The following PCDH9 variants were observed in gnomAD, a reference collection of about 807,000 sequenced individuals.
The protein encoded by PCDH9 is protocadherin-9.
Under a neutral mutation model 70.6 loss-of-function variants are expected in PCDH9, and 24 were observed. That is an observed-to-expected ratio of 0.34 (90% CI 0.25 to 0.48). The LOEUF (loss-of-function observed/expected upper bound fraction) is 0.48. Among genes scored for constraint, PCDH9 ranks in the 20% least tolerant of loss-of-function variants. The probability of loss-of-function intolerance (pLI) is 0.99; values close to 1 mark genes in which losing one functional copy is unlikely to be tolerated. For synonymous variants in PCDH9, 562 were observed against 558.5 expected, an observed-to-expected ratio of 1.01 and a Z score of -0.09; for missense variants, 1,281 against 1,503.6, an observed-to-expected ratio of 0.85 and a Z score of 2.45.
chr13:66,504,702 A>G (rs897624413), intron 4 of PCDH9, among the ~76,000 whole-genome samples: 1 of 152,232 alleles, frequency 6.6e-6, no homozygotes, highest in Non-Finnish European at 1.5e-5. Flanking sequence ...ATGAGTGCTC[A>G]GTAAATACAT....
chr13:66,432,980 G>T (rs1957800576), intron 4 of PCDH9, among the ~76,000 whole-genome samples: 1 of 151,866 alleles, frequency 6.6e-6, no homozygotes, highest in Non-Finnish European at 1.5e-5. Context: ...CTATGAGGAA[G>T]TAAATTCTAA....
chr13:66,957,748 C>A (rs951280429), intron 2 of PCDH9, among the ~76,000 whole-genome samples: 9 of 151,940 alleles, frequency 5.9e-5, no homozygotes, highest in African/African-American at 2.2e-4. Context: ...AGAAGGCAAG[C>A]TAGGAAGGCA....
In PCDH9 at chr13:66,958,296, A is replaced by G. The variant is rs137999924; in HGVS notation, c.3037-54691T>C. Among the ~76,000 whole-genome samples, 428 of 152,334 alleles carry G rather than the reference A, an allele frequency of 2.8e-3. 5 individuals are homozygous for G. The highest frequency in any genetic ancestry group is 0.024 in the Middle Eastern group (7 of 294). On this transcript the variant is annotated intron_variant, in intron 2 of 4. Transcript: ENST00000377865. ...TTCAAGGTATGAGACGGACTGGATG[A>G]AAAACACGGAATTCTATGACTAATT...
At chr13:66,871,431 A>T (rs954686657) in intron 3 of PCDH9, among the ~76,000 whole-genome samples, 4 of 47,680 alleles carry the variant, frequency 8.4e-5, no homozygotes, top group East Asian at 1.6e-3. Flanking sequence ...AAATAAAATT[A>T]AAAAAAATCA....
intron 3 of PCDH9, among the ~76,000 whole-genome samples, chr13:66,829,316 C>T (rs1210145829): frequency 2.0e-5 from 3 of 151,952 alleles, no homozygotes; most frequent in East Asian, 1.9e-4. Context: ...CGCTCCCGGC[C>T]GGGAATCTTT....
chr13:66,591,614 A>G (rs1046911027), intron 4 of PCDH9, among the ~76,000 whole-genome samples: 3 of 151,856 alleles, frequency 2.0e-5, no homozygotes, highest in East Asian at 3.9e-4. Flanking sequence ...TTAAGCTTCA[A>G]GGAAAGATGA....
At chr13:66,627,862 G>A (rs1256464485) in intron 4 of PCDH9, among the ~76,000 whole-genome samples, 3 of 152,160 alleles carry the variant, frequency 2.0e-5, no homozygotes, top group African/African-American at 7.2e-5. Context: ...TCCTGGTTTA[G>A]GACCTCTGCT....
At chr13:66,909,404 CA>C (rs1354396102) in intron 2 of PCDH9, among the ~76,000 whole-genome samples, 1 of 151,668 alleles carries the variant, frequency 6.6e-6, no homozygotes, top group Non-Finnish European at 1.5e-5. Flanking sequence ...CAATCCCTAT[CA>C]AAATGCCAGC....
chr13:67,131,639 G>T (rs556738782), intron 2 of PCDH9, among the ~76,000 whole-genome samples: 40 of 151,646 alleles, frequency 2.6e-4, no homozygotes, highest in African/African-American at 9.2e-4. Context: ...GGGGAGTGTA[G>T]CAAAAAAAAG....
At chr13:66,872,033 T>C (rs1429675743) in intron 3 of PCDH9, among the ~76,000 whole-genome samples, 1 of 119,084 alleles carries the variant, frequency 8.4e-6, no homozygotes, top group Non-Finnish European at 1.8e-5. Flanking sequence ...TATTTTAACA[T>C]GTCGTCTACT....
intron 4 of PCDH9, among the ~76,000 whole-genome samples, chr13:66,475,661 G>A (rs1958711215): frequency 6.6e-6 from 1 of 151,888 alleles, no homozygotes; most frequent in Non-Finnish European, 1.5e-5. Flanking sequence ...ACATGTATTT[G>A]ATACGAATTC....
intron 2 of PCDH9, among the ~76,000 whole-genome samples, chr13:67,069,182 T>C (rs1804777961): frequency 6.6e-6 from 1 of 152,182 alleles, no homozygotes; most frequent in Admixed American, 6.6e-5. Context: ...CTTTATCATA[T>C]TAATACTCAT....
At chr13:66,863,061 T>C (rs1812656261) in intron 3 of PCDH9, among the ~76,000 whole-genome samples, 3 of 152,172 alleles carry the variant, frequency 2.0e-5, no homozygotes, top group Admixed American at 6.5e-5. Context: ...TTCTATTTCT[T>C]TAAAAATAGT....
intron 3 of PCDH9, among the ~76,000 whole-genome samples, chr13:66,804,554 A>G (rs2080382106): frequency 6.6e-6 from 1 of 152,192 alleles, no homozygotes; most frequent in Non-Finnish European, 1.5e-5. Context: ...GGGTCAATAA[A>G]CAAACAAATT....
intron 4 of PCDH9, among the ~76,000 whole-genome samples, chr13:66,629,484 A>G (rs183758547): frequency 6.6e-6 from 1 of 152,354 alleles, no homozygotes. Flanking sequence ...AGTCTGGAGA[A>G]GGTTGATTCA....
chr13:66,933,826 A>G (rs1343485699), intron 2 of PCDH9, among the ~76,000 whole-genome samples: 3 of 151,928 alleles, frequency 2.0e-5, no homozygotes, highest in African/African-American at 7.3e-5. Context: ...AAACAGTTCA[A>G]AACATGACAT....
At chr13:67,128,579 TG>T (rs1008233211) in intron 2 of PCDH9, among the ~76,000 whole-genome samples, 43 of 152,324 alleles carry the variant, frequency 2.8e-4, no homozygotes, top group African/African-American at 1.0e-3. Context: ...TATCACTCAG[TG>T]GGGTTATTAT....
intron 4 of PCDH9, among the ~76,000 whole-genome samples, chr13:66,307,376 A>G (rs1429338603): frequency 2.0e-5 from 3 of 152,108 alleles, no homozygotes; most frequent in African/African-American, 7.2e-5. Context: ...GGATTATTAA[A>G]GATATCTCCT....
chr13:66,681,968 T>TATATATATATATATATA (rs1566502472), intron 3 of PCDH9, among the ~76,000 whole-genome samples: 28 of 148,494 alleles, frequency 1.9e-4, no homozygotes, highest in South Asian at 6.4e-4. Context: ...TATATATATA[T>TATATATATATATATATA]TTGAGAGATT....
Sources: allele counts gnomAD v4.1 joint callset (sites outside exome capture counted in the v4.1 genomes callset), GRCh38; gene constraint gnomAD v4.1.1; transcripts MANE v1.5; gene names NCBI Gene and HGNC (gene_info 2026-07-23, HGNC 2026-07-21).